The following OXR1 variants were observed in gnomAD, a reference collection of about 807,000 sequenced individuals.
The protein encoded by OXR1 is oxidation resistance 1.
In OXR1, 41 loss-of-function variants were observed where a neutral mutation model predicts 104.6. The ratio of observed to expected loss-of-function variants is 0.39; its 90% CI spans 0.31 to 0.51. The LOEUF is 0.51. OXR1 is among the 20% of genes least tolerant of loss of function. The probability of loss-of-function intolerance (pLI) is 0.77; values close to 1 mark genes in which losing one functional copy is unlikely to be tolerated. For synonymous variants in OXR1, 348 were observed against 348.4 expected (o/e 1.00, Z 0.01); for missense variants, 955 against 1,031.9 (o/e 0.93, Z 1.02).
chr8:106,538,690 T>G (rs1297724600), intron 3 of OXR1, among the ~76,000 whole-genome samples: 3 of 152,238 alleles, frequency 2.0e-5, no homozygotes, highest in African/African-American at 7.2e-5. Flanking sequence ...TTTCTCAACA[T>G]GTATGCTCTT....
intron 2 of OXR1, among the ~76,000 whole-genome samples, chr8:106,482,038 T>C (rs1822154897): frequency 6.6e-6 from 1 of 152,072 alleles, no homozygotes; most frequent in Non-Finnish European, 1.5e-5. Context: ...CCTTCATTCA[T>C]TCATTAAACA....
At chr8:106,356,451 A>G (rs1815975067) in intron 1 of OXR1, among the ~76,000 whole-genome samples, 1 of 152,168 alleles carries the variant, frequency 6.6e-6, no homozygotes, top group Non-Finnish European at 1.5e-5. Flanking sequence ...AAATTGTACC[A>G]TGTACATTGA....
At chr8:106,673,682 C>G (rs1827272540) in intron 3 of OXR1, among the ~76,000 whole-genome samples, 1 of 152,098 alleles carries the variant, frequency 6.6e-6, no homozygotes, top group Non-Finnish European at 1.5e-5. Context: ...GGCCTGGAGA[C>G]TTAGGAAGAA....
intron 16 of OXR1, among the ~76,000 whole-genome samples, chr8:106,748,816 A>C (rs931953219): frequency 3.3e-5 from 5 of 151,176 alleles, no homozygotes; most frequent in Admixed American, 6.6e-5. Context: ...GGGATCCACC[A>C]GCCTCAGCCT....
chr8:106,547,682 A>G (rs1815478975), intron 3 of OXR1, among the ~76,000 whole-genome samples: 1 of 151,478 alleles, frequency 6.6e-6, no homozygotes, highest in South Asian at 2.1e-4. Context: ...TAGTAGAGAC[A>G]AGGTTTCACC....
chr8:106,620,361 G>A (rs1044204243), intron 3 of OXR1, among the ~76,000 whole-genome samples: 39 of 151,534 alleles, frequency 2.6e-4, no homozygotes, highest in African/African-American at 9.4e-4. Context: ...CACAATCAGT[G>A]GTATCTTAGA....
chr8:106,285,745 G>T (rs1181256749), intron 1 of OXR1, among the ~76,000 whole-genome samples: 1 of 152,052 alleles, frequency 6.6e-6, no homozygotes, highest in Admixed American at 6.6e-5. Flanking sequence ...CAGTTGCAGA[G>T]AATTATTTTT....
chr8:106,645,139 T>C (rs567780300), intron 3 of OXR1, among the ~76,000 whole-genome samples: 5 of 152,336 alleles, frequency 3.3e-5, no homozygotes, highest in African/African-American at 1.2e-4. Flanking sequence ...CAAATGCATG[T>C]GCTTACATAT....
At chr8:106,354,712 G>T (rs1815888604) in intron 1 of OXR1, among the ~76,000 whole-genome samples, 1 of 152,000 alleles carries the variant, frequency 6.6e-6, no homozygotes. Flanking sequence ...TATGTGGTAG[G>T]TTACTTAAAC....
intron 2 of OXR1, among the ~76,000 whole-genome samples, chr8:106,387,388 C>T (rs1222825961): frequency 7.2e-5 from 11 of 152,192 alleles, no homozygotes. Flanking sequence ...GAAACTCTCT[C>T]TCTCTCCATC....
At chr8:106,434,139 TC>T (rs1819475240) in intron 2 of OXR1, among the ~76,000 whole-genome samples, 1 of 100,296 alleles carries the variant, frequency 1.0e-5, no homozygotes, top group African/African-American at 9.8e-5. Context: ...GAATATTTTC[TC>T]CTAAAAAAAA....
chr8:106,416,144 G>T (rs1196261146), intron 2 of OXR1, among the ~76,000 whole-genome samples: 2 of 152,074 alleles, frequency 1.3e-5, no homozygotes, highest in South Asian at 4.1e-4. Context: ...TATCTGAGTT[G>T]TAATGCAATT....
At chr8:106,505,293 G>GT (rs1266996229) in intron 2 of OXR1, among the ~76,000 whole-genome samples, 35 of 151,932 alleles carry the variant, frequency 2.3e-4, no homozygotes, top group Non-Finnish European at 1.5e-5. Flanking sequence ...ATGAGGAGGG[G>GT]GTCATTGATT....
At chr8:106,534,168 T>G (rs974264970) in intron 3 of OXR1, among the ~76,000 whole-genome samples, 6 of 152,206 alleles carry the variant, frequency 3.9e-5, no homozygotes, top group South Asian at 4.1e-4. Context: ...CAATTTTTTC[T>G]GCATTTGTAA....
At chr8:106,587,331 G>A (rs1053294361) in intron 3 of OXR1, among the ~76,000 whole-genome samples, 1 of 152,074 alleles carries the variant, frequency 6.6e-6, no homozygotes, top group Non-Finnish European at 1.5e-5. Flanking sequence ...GATGTTGGAA[G>A]AGTTTCTTGG....
At chr8:106,731,613 T>C (rs984328151) in intron 11 of OXR1, among the ~76,000 whole-genome samples, 6 of 152,128 alleles carry the variant, frequency 3.9e-5, no homozygotes, top group African/African-American at 1.4e-4. Context: ...CAGGTGGATA[T>C]CCAGTTGTTC....
intron 2 of OXR1, among the ~76,000 whole-genome samples, chr8:106,362,279 C>T (rs747858050): frequency 7.9e-5 from 12 of 152,060 alleles, no homozygotes; most frequent in Admixed American, 6.6e-4. Flanking sequence ...ACCATATCCA[C>T]GTGTTGATTT....
chr8:106,317,735 C>G (rs1814029814), intron 1 of OXR1, among the ~76,000 whole-genome samples: 1 of 150,576 alleles, frequency 6.6e-6, no homozygotes, highest in African/African-American at 2.5e-5. Flanking sequence ...TTCAGAATAT[C>G]TTTTTGTAGG....
intron 2 of OXR1, among the ~76,000 whole-genome samples, chr8:106,394,774 G>A (rs1421697610): frequency 6.6e-6 from 1 of 152,114 alleles, no homozygotes; most frequent in Non-Finnish European, 1.5e-5. Context: ...GACCAAAAGA[G>A]GCTGCACAGA....
Sources: allele counts gnomAD v4.1 joint callset (sites outside exome capture counted in the v4.1 genomes callset), GRCh38; gene constraint gnomAD v4.1.1; transcripts MANE v1.5; gene names NCBI Gene and HGNC (gene_info 2026-07-23, HGNC 2026-07-21).